GRM7: variants seen among roughly 807,000 people sequenced by gnomAD.
The protein encoded by GRM7 is metabotropic glutamate receptor 7.
A neutral mutation model predicts 84.5 loss-of-function variants in GRM7; 35 were observed. The observed-to-expected ratio is 0.41, with a 90% CI of 0.32 to 0.55. The LOEUF (loss-of-function observed/expected upper bound fraction) is 0.55. Among genes scored for constraint, GRM7 ranks in the 20% least tolerant of loss-of-function variants. GRM7 has a pLI of 0.19. For missense variants in GRM7, 1,003 were observed against 1,194.6 expected (o/e 0.84, Z 2.36); for synonymous variants, 487 against 455.1 (o/e 1.07, Z -0.89).
chr3:6,957,060 G>T (rs1693084144), intron 1 of GRM7, among the ~76,000 whole-genome samples: 2 of 152,138 alleles, frequency 1.3e-5, no homozygotes, highest in Non-Finnish European at 2.9e-5. Context: ...TTTCCCACTA[G>T]AATTTAATTT....
At chr3:7,111,797 C>G (rs1198796208) in intron 1 of GRM7, among the ~76,000 whole-genome samples, 1 of 152,094 alleles carries the variant, frequency 6.6e-6, no homozygotes, top group Non-Finnish European at 1.5e-5. Context: ...AAAATCATTT[C>G]TATGTAAACT....
intron 5 of GRM7, among the ~76,000 whole-genome samples, chr3:7,424,225 T>G (rs904449957): frequency 6.6e-6 from 1 of 151,942 alleles, no homozygotes; most frequent in Non-Finnish European, 1.5e-5. Context: ...GCTCAACCGG[T>G]TTAGGTGCCA....
At chr3:7,294,260 C>G (rs7632044) in intron 2 of GRM7, among the ~76,000 whole-genome samples, 15,409 of 152,238 alleles carry the variant, frequency 0.1, 1,052 homozygotes, top group Non-Finnish European at 0.16. Flanking sequence ...AATCACTCAG[C>G]TGTAATTGAA....
chr3:7,167,964 ACT>A (rs1325130154), intron 2 of GRM7, among the ~76,000 whole-genome samples: 3 of 109,306 alleles, frequency 2.7e-5, no homozygotes, highest in East Asian at 3.1e-4. Flanking sequence ...ACTGAGCGAG[ACT>A]CTGTCTCAAA....
chr3:7,730,992 T>G (rs1211800373), intron 9 of GRM7, among the ~76,000 whole-genome samples: 1 of 152,166 alleles, frequency 6.6e-6, no homozygotes, highest in East Asian at 1.9e-4. Flanking sequence ...AGACAGAGAC[T>G]TTGTCTGTTT....
At chr3:7,175,600 TG>T (rs981034230) in intron 2 of GRM7, among the ~76,000 whole-genome samples, 6 of 151,720 alleles carry the variant, frequency 4.0e-5, no homozygotes, top group Non-Finnish European at 8.8e-5. Flanking sequence ...TGCAGTGGTG[TG>T]ATCTCGGCTC....
chr3:7,149,313 C>T (rs758102396), intron 2 of GRM7, among the ~76,000 whole-genome samples: 4 of 152,100 alleles, frequency 2.6e-5, no homozygotes, highest in Admixed American at 6.6e-5. Flanking sequence ...TCATAAGGCG[C>T]GCATCTTGCT....
chr3:7,097,703 A>G (rs1285803654), intron 1 of GRM7, among the ~76,000 whole-genome samples: 1 of 152,116 alleles, frequency 6.6e-6, no homozygotes, highest in Non-Finnish European at 1.5e-5. Flanking sequence ...TATACTCTCG[A>G]CACTGCTAAA....
At chr3:6,878,390 T>A (rs1289458118) in intron 1 of GRM7, among the ~76,000 whole-genome samples, 2 of 151,162 alleles carry the variant, frequency 1.3e-5, no homozygotes, top group Non-Finnish European at 3.0e-5. Context: ...TGTGTGTGTG[T>A]GTGTGTGTGT....
At chr3:7,481,935 C>T (rs771029409) in intron 7 of GRM7, among the ~76,000 whole-genome samples, 20 of 152,166 alleles carry the variant, frequency 1.3e-4, no homozygotes, top group Non-Finnish European at 2.6e-4. Flanking sequence ...CGCCTGTAAT[C>T]CCCAGCACTT....
intron 9 of GRM7, among the ~76,000 whole-genome samples, chr3:7,738,034 A>G (rs1702565004): frequency 6.6e-6 from 1 of 152,080 alleles, no homozygotes; most frequent in East Asian, 1.9e-4. Flanking sequence ...TATTTAGTAG[A>G]GATGGGGTTT....
chr3:7,023,214 T>A (rs1205149772), intron 1 of GRM7, among the ~76,000 whole-genome samples: 1 of 152,106 alleles, frequency 6.6e-6, no homozygotes. Flanking sequence ...TCTTCTCTAG[T>A]TATTGATCTT....
chr3:7,089,195 G>C (rs1698571507), intron 1 of GRM7, among the ~76,000 whole-genome samples: 1 of 152,076 alleles, frequency 6.6e-6, no homozygotes, highest in African/African-American at 2.4e-5. Context: ...GAATTCAGTA[G>C]TACCAGGGAT....
intron 1 of GRM7, among the ~76,000 whole-genome samples, chr3:6,976,157 G>A (rs1416100714): frequency 1.3e-5 from 2 of 152,032 alleles, no homozygotes; most frequent in East Asian, 1.9e-4. Context: ...CCCTATAGCC[G>A]TAGAAGTTAG....
chr3:6,935,302 A>C (rs1412924197), intron 1 of GRM7, among the ~76,000 whole-genome samples: 1 of 152,220 alleles, frequency 6.6e-6, no homozygotes, highest in Non-Finnish European at 1.5e-5. Flanking sequence ...AATTAAATGT[A>C]AAACAACATT....
At chr3:7,242,236 C>T (rs1052229247) in intron 2 of GRM7, among the ~76,000 whole-genome samples, 6 of 152,174 alleles carry the variant, frequency 3.9e-5, no homozygotes, top group African/African-American at 1.2e-4. Flanking sequence ...ATGCTGTTTA[C>T]TTCCCAGGGA....
At chr3:7,111,532 G>T (rs1040638617) in intron 1 of GRM7, among the ~76,000 whole-genome samples, 1 of 152,118 alleles carries the variant, frequency 6.6e-6, no homozygotes, top group South Asian at 2.1e-4. Flanking sequence ...AGCATGAGTC[G>T]TTAAGAGATG....
chr3:7,499,508 G>A (rs183088131), intron 7 of GRM7, among the ~76,000 whole-genome samples: 1 of 152,240 alleles, frequency 6.6e-6, no homozygotes, highest in South Asian at 2.1e-4. Context: ...AAAAGCTAAT[G>A]TTTACTTGGA....
At chr3:7,385,340 G>A (rs538142917) in intron 4 of GRM7, among the ~76,000 whole-genome samples, 12 of 118,348 alleles carry the variant, frequency 1.0e-4, no homozygotes, top group Non-Finnish European at 1.6e-4. Context: ...TCGCTCTGTC[G>A]CACAGGCTGG....
Sources: allele counts gnomAD v4.1 joint callset (sites outside exome capture counted in the v4.1 genomes callset), GRCh38; gene constraint gnomAD v4.1.1; transcripts MANE v1.5; gene names NCBI Gene and HGNC (gene_info 2026-07-23, HGNC 2026-07-21).